CERS4: variants seen among roughly 807,000 people sequenced by gnomAD.
The protein encoded by CERS4 is ceramide synthase 4.
In CERS4, 65 loss-of-function variants were observed where a neutral mutation model predicts 51.8. That is an observed-to-expected ratio of 1.26 (90% CI 1.03 to 1.54). CERS4 has a LOEUF of 1.54. Ranked by LOEUF, CERS4 falls within the 40% of genes most tolerant of loss-of-function variation. The probability of loss-of-function intolerance (pLI) is 0.00; values close to 1 mark genes in which losing one functional copy is unlikely to be tolerated. For synonymous variants in CERS4, 228 were observed against 208.4 expected (o/e 1.09, Z -0.81); for missense variants, 563 against 500.4 (o/e 1.13, Z -1.19).
At chr19:8,248,751 G>A (rs1968905182) in intron 2 of CERS4, among the ~76,000 whole-genome samples, 1 of 151,174 alleles carries the variant, frequency 6.6e-6, no homozygotes, top group Non-Finnish European at 1.5e-5. Context: ...ATGGACAGGT[G>A]TTTGGATGGA....
intron 10 of CERS4, among the ~76,000 whole-genome samples, chr19:8,260,533 GAAA>G (rs33924278): frequency 4.1e-5 from 6 of 146,138 alleles, no homozygotes; most frequent in Non-Finnish European, 7.5e-5. Context: ...GAGTTCCAAG[GAAA>G]AAAAAAAGCC....
rs138700935 is a variant in CERS4 at position 8,260,681 on chromosome 19, G to A, written c.849-1007G>A. On this transcript the variant is annotated intron_variant, in intron 10 of 11. Transcript: ENST00000251363. ...AACCAGCAGGAAGGCTGGGTGCGGC[G>A]GCTCACGCCTGTAATCCCAGCACTT... Among the ~76,000 whole-genome samples the A allele has an allele frequency of 4.5e-3, 687 of 151,582 alleles. 7 individuals carry two copies. The highest frequency in any genetic ancestry group is 0.016 in the African/African-American group (647 of 41,442).
intron 2 of CERS4, among the ~76,000 whole-genome samples, chr19:8,228,229 G>T (rs1282968818): frequency 6.6e-6 from 1 of 152,092 alleles, no homozygotes; most frequent in Non-Finnish European, 1.5e-5. Flanking sequence ...AACGTGCCCT[G>T]CCAGAGTTTC....
chr19:8,222,925 G>A (rs965770726), intron 2 of CERS4, among the ~76,000 whole-genome samples: 4 of 152,118 alleles, frequency 2.6e-5, no homozygotes, highest in Non-Finnish European at 4.4e-5. Context: ...CTGGGTGCCC[G>A]GTCTCAGTTG....
chr19:8,258,920 G>T (rs1199003845), intron 10 of CERS4, among the ~76,000 whole-genome samples: 2 of 151,992 alleles, frequency 1.3e-5, no homozygotes, highest in African/African-American at 2.4e-5. Context: ...GATCACCTGA[G>T]GTCAGGAGAT....
At position 8,262,368 on chromosome 19, in the gene CERS4, G is replaced by A. The variant is rs1278632578; in HGVS notation, c.*259G>A. ...AGACACCTCCAGGCTGTGGCCTGGG[G>A]GCTGGGGGGAGCCCCAGGCTGAAAA... On this transcript the variant is annotated 3_prime_UTR_variant, in exon 12 of 12. Coordinates refer to ENST00000251363, the MANE Select transcript of CERS4 (RefSeq NM_024552.3). The A allele has an allele frequency of 2.0e-5, 8 of 392,762 alleles. No individual in the cohort carries two copies. Among genetic ancestry groups the A allele is most frequent in the Non-Finnish European group, 3.6e-5 (8 of 223,260 alleles). The allele number at this position is 392,762 out of a possible 1,614,324, so 24.3% of individuals were successfully genotyped here. A position where few individuals can be genotyped will look rare whatever the true frequency, so the allele number is the denominator to read the frequency against.
intron 2 of CERS4, among the ~76,000 whole-genome samples, chr19:8,239,053 A>G (rs1023925867): frequency 8.6e-5 from 13 of 151,986 alleles, no homozygotes; most frequent in East Asian, 1.9e-4. Flanking sequence ...GTGAGCTGCA[A>G]TGGTGCCACT....
intron 2 of CERS4, among the ~76,000 whole-genome samples, chr19:8,237,966 C>G (rs1158678810): frequency 6.6e-6 from 1 of 152,112 alleles, no homozygotes; most frequent in African/African-American, 2.4e-5. Context: ...ATTAATAGCC[C>G]AAGTGGGCCC....
intron 2 of CERS4, among the ~76,000 whole-genome samples, chr19:8,237,818 A>ACT (rs1568515863): frequency 6.6e-6 from 1 of 152,026 alleles, no homozygotes; most frequent in Non-Finnish European, 1.5e-5. Flanking sequence ...GCCACTGCAC[A>ACT]CCAGCCTGGG....
chr19:8,259,738 T>C (rs1056459847), intron 10 of CERS4, among the ~76,000 whole-genome samples: 2 of 152,058 alleles, frequency 1.3e-5, no homozygotes, highest in Non-Finnish European at 2.9e-5. Flanking sequence ...GAGAAGGCAG[T>C]GGGCATGCCA....
chr19:8,258,429 C>G (rs1191143135), intron 10 of CERS4, among the ~76,000 whole-genome samples: 1 of 152,170 alleles, frequency 6.6e-6, no homozygotes, highest in Non-Finnish European at 1.5e-5. Context: ...ATTTGACGGG[C>G]CGGGCGTGGT....
At chr19:8,227,665 A>C (rs1967844037) in intron 2 of CERS4, among the ~76,000 whole-genome samples, 1 of 151,974 alleles carries the variant, frequency 6.6e-6, no homozygotes, top group Non-Finnish European at 1.5e-5. Flanking sequence ...AAAGGGAAGG[A>C]TGTAACATGT....
rs775538437 is a variant in CERS4, at chr19:8,261,812, C to T, written c.973C>T (p.Arg325Cys). ...CGTGTTCTGGTCTTGCCTCATTCTGCGCATGCTCTATAGCTTCATGAAGAA... is the reference window on the plus strand; with the variant it reads ...CGTGTTCTGGTCTTGCCTCATTCTGTGCATGCTCTATAGCTTCATGAAGAA... ...LHVFWSCLIL[R>C]MLYSFMKKGQ... Residue 325 changes from arginine (R) to cysteine (C), a missense_variant, in exon 11 of 12, where the codon CGC becomes TGC. Physicochemically the swap from Arg to Cys is radical, Grantham distance 180 (BLOSUM62 -3). Coordinates refer to ENST00000251363, the MANE Select transcript of CERS4 (RefSeq NM_024552.3). 4.3e-6 allele frequency: 7 copies of T among 1,614,172 alleles called. No homozygotes were observed. The highest frequency in any genetic ancestry group is 4.0e-5 in the African/African-American group (3 of 75,042).
intron 2 of CERS4, among the ~76,000 whole-genome samples, chr19:8,230,845 T>A (rs1967977281): frequency 6.6e-6 from 1 of 152,162 alleles, no homozygotes; most frequent in Non-Finnish European, 1.5e-5. Context: ...GTTTTGTTTG[T>A]TTGTTTGTTT....
intron 2 of CERS4, among the ~76,000 whole-genome samples, chr19:8,233,741 G>C (rs1018395212): frequency 6.6e-6 from 1 of 152,000 alleles, no homozygotes; most frequent in Non-Finnish European, 1.5e-5. Context: ...GGCCGGGCGC[G>C]GTGGCTCACG....
At position 8,254,503 on chromosome 19, in the gene CERS4, A is replaced by T; in HGVS notation, c.178A>T (p.Ile60Phe). Residue 60 changes from isoleucine (I) to phenylalanine (F), a missense_variant, in exon 4 of 12, where the codon ATT (isoleucine) becomes TTT (phenylalanine). Ile to Phe is a conservative substitution (Grantham distance 21). Coordinates refer to ENST00000251363, the MANE Select transcript of CERS4 (RefSeq NM_024552.3). ...CTCTGTCTCCTTTGCACCCAGATTC[A>T]TTGGCCTGCCCCTGAGCCGGTGGCT... ...LAMRLAFERF[I>F]GLPLSRWLGV... is the part of the protein sequence containing the mutation. 6.2e-7 allele frequency: 1 copy of T among 1,613,506 alleles called. No individual in the cohort carries two copies. The highest frequency in any genetic ancestry group is 1.7e-5 in the Admixed American group (1 of 59,974).
In CERS4 at chr19:8,254,578, G is replaced by T; in HGVS notation, c.253G>T (p.Glu85Ter). 1 of 1,612,916 alleles carries T rather than the reference G, an allele frequency of 6.2e-7. No individual in the cohort carries two copies. Among genetic ancestry groups the T allele is most frequent in the Non-Finnish European group, 8.5e-7 (1 of 1,179,684 alleles). The change falls in exon 4 of 12, where the codon GAG (glutamate) becomes TAG (stop). Residue 85 changes from glutamate to a stop codon, truncating the protein, a stop_gained. Transcript: ENST00000251363. LOFTEE classifies it high-confidence loss of function. ...GCAAGTGAAGCCCAACGCCACGCTGGAGAAACACTTCCTCACGGAAGGGCA... is the reference window on the plus strand; with the variant it reads ...GCAAGTGAAGCCCAACGCCACGCTGTAGAAACACTTCCTCACGGAAGGGCA... ...RRQVKPNATL[E>*]KHFLTEGHRP...
At chr19:8,260,487 T>G (rs947946952) in intron 10 of CERS4, among the ~76,000 whole-genome samples, 5 of 144,318 alleles carry the variant, frequency 3.5e-5, no homozygotes, top group Admixed American at 2.8e-4. Context: ...ATTACAGGCG[T>G]GAGCCACTGT....
At chr19:8,235,389 A>G (rs1357795523) in intron 2 of CERS4, among the ~76,000 whole-genome samples, 6 of 150,254 alleles carry the variant, frequency 4.0e-5, no homozygotes, top group Admixed American at 2.7e-4. Context: ...CGGCCTTCCA[A>G]TGTGCTGGGA....
Sources: allele counts gnomAD v4.1 joint callset (sites outside exome capture counted in the v4.1 genomes callset), GRCh38; gene constraint gnomAD v4.1.1; transcripts MANE v1.5; gene names NCBI Gene and HGNC (gene_info 2026-07-23, HGNC 2026-07-21).